The following FUT8 variants were observed in gnomAD, a reference collection of about 807,000 sequenced individuals.
The protein encoded by FUT8 is alpha-(1,6)-fucosyltransferase.
Under a neutral mutation model 71.3 loss-of-function variants are expected in FUT8, and 29 were observed. The ratio of observed to expected loss-of-function variants is 0.41; its 90% confidence interval spans 0.30 to 0.55. The LOEUF (loss-of-function observed/expected upper bound fraction) is 0.55, where lower values mean the gene tolerates loss of function less well. Ranked by LOEUF, FUT8 falls within the 20% of genes least tolerant of loss-of-function variation. The pLI, the probability that FUT8 is intolerant of heterozygous loss-of-function variation, is 0.34. For missense variants in FUT8, 544 were observed against 702.1 expected, an observed-to-expected ratio of 0.77 and a Z score of 2.55; for synonymous variants, 254 against 239.3, an observed-to-expected ratio of 1.06 and a Z score of -0.57.
chr14:65,422,980 CTTTCT>C (rs920508790), intron 1 of FUT8, among the ~76,000 whole-genome samples: 3 of 144,262 alleles, frequency 2.1e-5, no homozygotes, highest in East Asian at 2.1e-4. Context: ...TTCTTTCTTT[CTTTCT>C]TTTTTTTTTT....
intron 6 of FUT8, among the ~76,000 whole-genome samples, chr14:65,663,091 A>G (rs1024686301): frequency 1.3e-5 from 2 of 152,084 alleles, no homozygotes; most frequent in African/African-American, 4.8e-5. Flanking sequence ...ACCCTTCTAT[A>G]TATCTTGCTC....
In FUT8 at chr14:65,742,511, A is replaced by G. The variant is rs1896555638; in HGVS notation, c.*101A>G. 2.1e-6 allele frequency: 2 copies of G among 955,112 alleles called. No homozygotes were observed. The highest frequency in any genetic ancestry group is 3.1e-6 in the Non-Finnish European group (2 of 645,836). 59.2% of individuals were successfully genotyped at this position (955,112 alleles called of 1,614,324 possible). A position where few individuals can be genotyped will look rare whatever the true frequency, so the allele number is the denominator to read the frequency against. On this transcript the variant is annotated 3_prime_UTR_variant, in exon 11 of 11. Transcript: ENST00000673929. ...ATGAAGAGGGCTCTGATCTAACAAAATAAGGTTATATGAGTAGATACTCTC... is the reference window on the plus strand; with the variant it reads ...ATGAAGAGGGCTCTGATCTAACAAAGTAAGGTTATATGAGTAGATACTCTC...
the FUT8 span, among the ~76,000 whole-genome samples, chr14:65,362,508 C>T: frequency 6.6e-6 from 1 of 150,802 alleles, no homozygotes; most frequent in Non-Finnish European, 1.5e-5. Context: ...AGACCCCCAT[C>T]TCAAACAAAC....
chr14:65,702,420 C>T (rs1037246601), intron 7 of FUT8, among the ~76,000 whole-genome samples: 78 of 151,154 alleles, frequency 5.2e-4, no homozygotes, highest in South Asian at 2.1e-4. Context: ...GCGTTGGAAA[C>T]ATTTAGTATA....
intron 7 of FUT8, among the ~76,000 whole-genome samples, chr14:65,670,472 T>G (rs139481107): frequency 6.6e-6 from 1 of 152,294 alleles, no homozygotes; most frequent in Non-Finnish European, 1.5e-5. Context: ...TAAACAAATG[T>G]ATAATGAGTG....
In FUT8 at chr14:65,483,824, C is replaced by G. The variant is rs1894322623; in HGVS notation, c.-228+28106C>G. Reference sequence around the variant, plus strand: ...ATCAGCTCACTGCAACCTTCACCTTCTGGTTTCAAGTGATTCTTCTGACTC... The same window carrying G: ...ATCAGCTCACTGCAACCTTCACCTTGTGGTTTCAAGTGATTCTTCTGACTC... On this transcript the variant is annotated intron_variant, in intron 2 of 10. Coordinates refer to ENST00000673929, the MANE Select transcript of FUT8 (RefSeq NM_001371533.1). The surrounding 1 kb of genome is among the most constrained non-coding windows in gnomAD (Gnocchi z 4.4). Among the ~76,000 whole-genome samples the G allele has an allele frequency of 6.6e-6, 1 of 151,970 alleles. No homozygotes were observed. The highest frequency in any genetic ancestry group is 6.6e-5 in the Admixed American group (1 of 15,248).
intron 3 of FUT8, among the ~76,000 whole-genome samples, chr14:65,566,208 C>T (rs1443201052): frequency 5.3e-5 from 8 of 151,948 alleles, no homozygotes; most frequent in Admixed American, 5.3e-4. Context: ...GCCCAGATTT[C>T]TTACATGGTA....
intron 3 of FUT8, among the ~76,000 whole-genome samples, chr14:65,595,774 A>G (rs1461598171): frequency 6.6e-6 from 1 of 151,742 alleles, no homozygotes; most frequent in African/African-American, 2.4e-5. Context: ...ACCCCTGGCT[A>G]ATTTTTTTGT....
intron 7 of FUT8, among the ~76,000 whole-genome samples, chr14:65,700,959 A>G: frequency 6.6e-6 from 1 of 152,198 alleles, no homozygotes; most frequent in East Asian, 1.9e-4. Context: ...CACATCATGT[A>G]TGTGTGTCCA....
At chr14:65,431,253 C>T (rs1053060171) in intron 1 of FUT8, among the ~76,000 whole-genome samples, 10 of 149,814 alleles carry the variant, frequency 6.7e-5, no homozygotes, top group Non-Finnish European at 8.9e-5. Context: ...CCACCCTCCT[C>T]GGCCTCCCAA....
the FUT8 span, among the ~76,000 whole-genome samples, chr14:65,389,743 C>T: frequency 6.6e-6 from 1 of 151,958 alleles, no homozygotes; most frequent in Non-Finnish European, 1.5e-5. Flanking sequence ...GTGTGAGCTA[C>T]CATGCCCAGC....
intron 7 of FUT8, among the ~76,000 whole-genome samples, chr14:65,692,078 G>A (rs1407328001): frequency 3.3e-5 from 5 of 151,160 alleles, no homozygotes; most frequent in Admixed American, 2.6e-4. Flanking sequence ...CCACAAAACC[G>A]CCATTGTCAT....
intron 3 of FUT8, among the ~76,000 whole-genome samples, chr14:65,572,338 A>G (rs762078635): frequency 2.6e-5 from 4 of 152,194 alleles, no homozygotes; most frequent in Non-Finnish European, 5.9e-5. Flanking sequence ...AGCTTTGTGT[A>G]TGTATGAACT....
chr14:65,685,313 C>A (rs999304819), intron 7 of FUT8, among the ~76,000 whole-genome samples: 1 of 151,628 alleles, frequency 6.6e-6, no homozygotes, highest in African/African-American at 2.4e-5. Context: ...TCTCAGTGGC[C>A]GTATAAAACA....
Position 65,561,385 on chromosome 14 carries a change from A to G in FUT8, c.-179A>G. ...GACAATAAAGCTTCCTACACATATC[A>G]CCAGGAGGATCTCTTTGAAAGATTC... On this transcript the variant is annotated 5_prime_UTR_variant, in exon 3 of 11. Coordinates refer to ENST00000673929, the MANE Select transcript of FUT8 (RefSeq NM_001371533.1). 1.6e-6 allele frequency: 1 copy of G among 619,120 alleles called. No homozygotes were observed. Among genetic ancestry groups the G allele is most frequent in the African/African-American group, 1.8e-5 (1 of 54,272 alleles). 38.4% of individuals were successfully genotyped at this position (619,120 alleles called of 1,614,324 possible). A position where few individuals can be genotyped will look rare whatever the true frequency, so the allele number is the denominator to read the frequency against.
chr14:65,606,114 C>T (rs1888573954), intron 3 of FUT8, among the ~76,000 whole-genome samples: 1 of 149,958 alleles, frequency 6.7e-6, no homozygotes, highest in Admixed American at 6.6e-5. Flanking sequence ...GCTCTGTCGC[C>T]CAGGCTGGAG....
chr14:65,505,305 A>ATTTTT (rs2066710823), intron 2 of FUT8, among the ~76,000 whole-genome samples: 1 of 132,142 alleles, frequency 7.6e-6, no homozygotes, highest in Non-Finnish European at 1.6e-5. Flanking sequence ...ACTACATTTC[A>ATTTTT]GTTTTTTTTT....
chr14:65,391,935 G>GTTTTA, the FUT8 span, among the ~76,000 whole-genome samples: 1 of 152,014 alleles, frequency 6.6e-6, no homozygotes, highest in Non-Finnish European at 1.5e-5. Flanking sequence ...TAAGTGTTTT[G>GTTTTA]TTTTGTTTTG....
intron 6 of FUT8, among the ~76,000 whole-genome samples, chr14:65,661,237 C>T (rs1409116040): frequency 6.6e-6 from 1 of 152,136 alleles, no homozygotes; most frequent in Non-Finnish European, 1.5e-5. Context: ...TGAGCCTGGA[C>T]TTCTTGCTGC....
Sources: allele counts gnomAD v4.1 joint callset (sites outside exome capture counted in the v4.1 genomes callset), GRCh38; gene constraint gnomAD v4.1.1; non-coding constraint Gnocchi (gnomAD v3.1); transcripts MANE v1.5; gene names NCBI Gene and HGNC (gene_info 2026-07-23, HGNC 2026-07-21).